ATP11B: variants seen among roughly 807,000 people sequenced by gnomAD.
ATP11B encodes phospholipid-transporting ATPase IF.
In ATP11B, 81 loss-of-function variants were observed where a neutral mutation model predicts 157.8. The observed-to-expected ratio is 0.51, with a 90% CI of 0.43 to 0.62. The LOEUF (loss-of-function observed/expected upper bound fraction) is 0.62, where lower values mean the gene tolerates loss of function less well. ATP11B is among the 20% of genes least tolerant of loss of function. The probability of loss-of-function intolerance (pLI) is 0.00; values close to 1 mark genes in which losing one functional copy is unlikely to be tolerated. For synonymous variants in ATP11B, 451 were observed against 469.4 expected, an observed-to-expected ratio of 0.96 and a Z score of 0.51; for missense variants, 1,165 against 1,402.2, an observed-to-expected ratio of 0.83 and a Z score of 2.70.
At chr3:182,851,309 C>T (rs1011049828) in intron 10 of ATP11B, among the ~76,000 whole-genome samples, 1 of 152,072 alleles carries the variant, frequency 6.6e-6, no homozygotes, top group Non-Finnish European at 1.5e-5. Context: ...AAAAAAGACT[C>T]TTTATAAATA....
At chr3:182,858,076 G>A in intron 11 of ATP11B, 48 bp downstream of exon 11, 1 of 1,527,606 alleles carries the variant, frequency 6.5e-7, no homozygotes, top group Non-Finnish European at 9.0e-7. Context: ...CTATTACTTG[G>A]CACGATTAGT....
chr3:182,848,013 A>C (rs375594338), intron 9 of ATP11B, among the ~76,000 whole-genome samples: 1 of 152,168 alleles, frequency 6.6e-6, no homozygotes, highest in African/African-American at 2.4e-5. Flanking sequence ...CTTCCATGTT[A>C]TCTCTCCAAT....
chr3:182,887,038 T>C (rs675071), intron 23 of ATP11B, among the ~76,000 whole-genome samples: 87,416 of 152,002 alleles, frequency 0.58, 26,156 homozygotes, highest in Non-Finnish European at 0.67. Context: ...AAAAACAATA[T>C]GTAAAGCATA....
chr3:182,894,902 G>A (rs1392044031), intron 25 of ATP11B, among the ~76,000 whole-genome samples: 6 of 151,504 alleles, frequency 4.0e-5, no homozygotes, highest in Non-Finnish European at 8.8e-5. Context: ...TGGATCACTT[G>A]AGCCCAGGAG....
intron 19 of ATP11B, among the ~76,000 whole-genome samples, chr3:182,876,781 G>A (rs548221400): frequency 1.3e-5 from 2 of 152,168 alleles, no homozygotes; most frequent in African/African-American, 4.8e-5. Context: ...AATCACTTCC[G>A]AAAAGGCCCC....
chr3:182,853,699 T>A (rs1720158926), intron 10 of ATP11B, among the ~76,000 whole-genome samples: 1 of 152,206 alleles, frequency 6.6e-6, no homozygotes, highest in South Asian at 2.1e-4. Flanking sequence ...ATTAATAGAT[T>A]GTCAAGCTCA....
intron 28 of ATP11B, among the ~76,000 whole-genome samples, chr3:182,899,501 A>C (rs1336800188): frequency 6.6e-6 from 1 of 152,180 alleles, no homozygotes; most frequent in Non-Finnish European, 1.5e-5. Flanking sequence ...GTATGAAATG[A>C]ATTATTTAAC....
intron 10 of ATP11B, among the ~76,000 whole-genome samples, chr3:182,855,486 A>G (rs1720325225): frequency 1.3e-5 from 2 of 152,200 alleles, no homozygotes; most frequent in African/African-American, 4.8e-5. Flanking sequence ...AGAAGACATG[A>G]CACTAAAAGC....
intron 1 of ATP11B, among the ~76,000 whole-genome samples, chr3:182,794,793 G>A (rs571226975): frequency 6.6e-6 from 1 of 152,288 alleles, no homozygotes; most frequent in African/African-American, 2.4e-5. Context: ...GTGTGATGAG[G>A]CCGGTTACTA....
At chr3:182,801,406 C>T (rs1174819518) in intron 1 of ATP11B, among the ~76,000 whole-genome samples, 3 of 152,162 alleles carry the variant, frequency 2.0e-5, no homozygotes, top group African/African-American at 7.2e-5. Flanking sequence ...CTTATTCTTA[C>T]TGTGTGAAGC....
At chr3:182,804,870 G>A (rs778394834) in intron 1 of ATP11B, among the ~76,000 whole-genome samples, 12 of 152,082 alleles carry the variant, frequency 7.9e-5, no homozygotes, top group East Asian at 1.9e-4. Flanking sequence ...AAATGTCATC[G>A]TACCATATAT....
At chr3:182,908,298 C>A (rs1479743307) in intron 28 of ATP11B, among the ~76,000 whole-genome samples, 1 of 149,648 alleles carries the variant, frequency 6.7e-6, no homozygotes, top group Non-Finnish European at 1.5e-5. Context: ...CGACCTCCAC[C>A]TCCTGGGTTC....
At chr3:182,798,454 C>A (rs1335798797) in intron 1 of ATP11B, among the ~76,000 whole-genome samples, 1 of 152,124 alleles carries the variant, frequency 6.6e-6, no homozygotes, top group African/African-American at 2.4e-5. Flanking sequence ...TAAGTTTTAA[C>A]CTCAAGAATT....
At chr3:182,822,363 C>T (rs1012282589) in intron 2 of ATP11B, among the ~76,000 whole-genome samples, 3 of 151,996 alleles carry the variant, frequency 2.0e-5, no homozygotes, top group Admixed American at 1.3e-4. Context: ...TGAGAACATG[C>T]GGTGTTTGGT....
Position 182,873,839 on chromosome 3 carries a change from T to G in ATP11B, c.2076T>G (p.Ile692Met), listed in dbSNP as rs755728959. 4.3e-6 allele frequency: 7 copies of G among 1,614,132 alleles called. No homozygotes were observed. Among genetic ancestry groups the G allele is most frequent in the Non-Finnish European group, 5.1e-6 (6 of 1,179,990 alleles). The change falls in exon 19 of 30, where the codon ATT (isoleucine) becomes ATG (methionine). Residue 692 changes from isoleucine to methionine, a missense_variant. By Grantham distance (10) the Ile-to-Met change is conservative. Transcript: ENST00000323116. ...DRLQDKVRET[I>M]EALRMAGIKV... is the part of the protein sequence containing the mutation. The stretch of plus-strand genomic sequence containing the variant: ...TACAAGATAAAGTTCGAGAAACTAT[T>G]GAAGCATTGAGAATGGCTGGTATCA...
intron 1 of ATP11B, among the ~76,000 whole-genome samples, chr3:182,812,920 T>G (rs1716757403): frequency 6.6e-6 from 1 of 152,182 alleles, no homozygotes; most frequent in Non-Finnish European, 1.5e-5. Flanking sequence ...GCTTCTGTCT[T>G]ATGAATTTAA....
At chr3:182,916,156 CAT>C (rs1725129012) in intron 29 of ATP11B, 1 of 985,320 alleles carries the variant, frequency 1.0e-6, no homozygotes, top group Non-Finnish European at 1.2e-6. Flanking sequence ...CATTTTGATA[CAT>C]AGAGTTCTCT....
intron 17 of ATP11B, among the ~76,000 whole-genome samples, chr3:182,872,053 G>T (rs528376924): frequency 2.6e-5 from 4 of 152,304 alleles, no homozygotes; most frequent in East Asian, 1.9e-4. Context: ...CTGACCTCAT[G>T]ATCCGCCTGC....
intron 21 of ATP11B, among the ~76,000 whole-genome samples, chr3:182,881,518 G>C (rs953214183): frequency 6.6e-5 from 10 of 151,840 alleles, no homozygotes; most frequent in Admixed American, 3.9e-4. Context: ...CTCCAGCCTG[G>C]GCGACAGCAA....
Sources: allele counts gnomAD v4.1 joint callset (sites outside exome capture counted in the v4.1 genomes callset), GRCh38; gene constraint gnomAD v4.1.1; transcripts MANE v1.5; gene names NCBI Gene and HGNC (gene_info 2026-07-23, HGNC 2026-07-21).